ZNF251: variants seen among roughly 807,000 people sequenced by gnomAD.
ZNF251 encodes the protein zinc finger protein 251.
Under a neutral mutation model 13.5 loss-of-function variants are expected in ZNF251, and 14 were observed. The observed-to-expected ratio is 1.04, with a 90% confidence interval of 0.69 to 1.63. The LOEUF (loss-of-function observed/expected upper bound fraction) is 1.63. Among genes scored for constraint, ZNF251 ranks in the 40% most tolerant of loss-of-function variants. ZNF251 has a pLI of 0.00. For missense variants in ZNF251, 764 were observed against 834.9 expected (o/e 0.92, Z 1.05); for synonymous variants, 287 against 295.2 (o/e 0.97, Z 0.28).
At chr8:144,744,283 C>T (rs956114832) in intron 4 of ZNF251, among the ~76,000 whole-genome samples, 1 of 152,010 alleles carries the variant, frequency 6.6e-6, no homozygotes, top group African/African-American at 2.4e-5. Flanking sequence ...AAGTTGATGC[C>T]GTCTTTTACA....
At chr8:144,733,278 C>G (rs893303269) in intron 4 of ZNF251, among the ~76,000 whole-genome samples, 1 of 152,182 alleles carries the variant, frequency 6.6e-6, no homozygotes, top group African/African-American at 2.4e-5. Context: ...TGGTGGCTCA[C>G]GCCTGTAATC....
rs745738779 is a variant in ZNF251, at chr8:144,722,282, G to A, written c.1378C>T (p.Pro460Ser). ...QHRRVHTGEKPYQCVECGKAF... is the reference protein window; with the variant it reads ...QHRRVHTGEKSYQCVECGKAF... Reference sequence around the variant, plus strand: ...TTCCCACATTCAACGCACTGGTAGGGCTTCTCCCCAGTGTGAACTCTTCGA... The same window carrying A: ...TTCCCACATTCAACGCACTGGTAGGACTTCTCCCCAGTGTGAACTCTTCGA... The change falls in exon 5 of 5, where the codon CCC becomes TCC. Residue 460 changes from proline (P) to serine (S), a missense_variant. By Grantham distance (74) the Pro-to-Ser change is moderately conservative (BLOSUM62 -1). Coordinates refer to ENST00000292562, the MANE Select transcript of ZNF251 (RefSeq NM_138367.2). The surrounding 1 kb of genome is among the most constrained non-coding windows in gnomAD (Gnocchi z 4.8). The A allele has an allele frequency of 3.7e-6, 6 of 1,613,922 alleles. No individual in the cohort carries two copies. The South Asian group carries it at 5.5e-5, about 15-fold the overall frequency.
chr8:144,738,841 G>C, intron 4 of ZNF251: 1 of 985,164 alleles, frequency 1.0e-6, no homozygotes, highest in Non-Finnish European at 1.2e-6. Context: ...TGGTTTTCTT[G>C]TTCAAGGCAA....
In ZNF251 at chr8:144,723,161, C is replaced by A. The variant is rs764201873; in HGVS notation, c.499G>T (p.Glu167Ter). 1 of 1,612,696 alleles carries A rather than the reference C, an allele frequency of 6.2e-7. No homozygotes were observed. The highest frequency in any genetic ancestry group is 8.5e-7 in the Non-Finnish European group (1 of 1,179,242). ...GATCTTTCCCTGCCCACGGTAGCTT[C>A]TGTTAAAACTCTCTTGTGAATATTG... ...KPNIHKRVLT[E>*]ATVGRERSLG... Residue 167 changes from glutamate to a stop codon, truncating the protein, a stop_gained, in exon 5 of 5, where the codon GAA becomes TAA. Transcript: ENST00000292562. LOFTEE classifies it low-confidence loss of function (END_TRUNC).
chr8:144,753,091 G>A (rs1383895036), intron 4 of ZNF251, among the ~76,000 whole-genome samples: 2 of 151,668 alleles, frequency 1.3e-5, no homozygotes, highest in Non-Finnish European at 2.9e-5. Flanking sequence ...TGGGCAACGT[G>A]GTGAAACCTT....
At position 144,721,930 on chromosome 8, in the gene ZNF251, G is replaced by A. The variant is rs1823382216; in HGVS notation, c.1730C>T (p.Pro577Leu). The change falls in exon 5 of 5, where the codon CCC (proline) becomes CTC (leucine). Residue 577 changes from proline to leucine, a missense_variant. Pro to Leu is a moderately conservative substitution (Grantham distance 98, BLOSUM62 -3). Transcript: ENST00000292562. The stretch of plus-strand genomic sequence containing the variant: ...CTGATCTTCAGTGGGTCGTGAGGTG[G>A]GACTGAAAGCTTTTCCATATTCATT... ...GCNEYGKAFS[P>L]TSRPTEDQIM... 1.3e-6 allele frequency: 2 copies of A among 1,514,726 alleles called. No individual in the cohort carries two copies. The highest frequency in any genetic ancestry group is 2.2e-5 in the Admixed American group (1 of 44,958). 93.8% of individuals were successfully genotyped at this position (1,514,726 alleles called of 1,614,324 possible). A position where few individuals can be genotyped will look rare whatever the true frequency, so the allele number is the denominator to read the frequency against.
At position 144,755,512 on chromosome 8, in the gene ZNF251, G is replaced by C. The variant is rs944440883; in HGVS notation, c.-183C>G. The C allele has an allele frequency of 7.8e-6, 10 of 1,286,318 alleles. No homozygotes were observed. Among genetic ancestry groups the C allele is most frequent in the Non-Finnish European group, 1.0e-5 (10 of 988,400 alleles). 79.7% of individuals were successfully genotyped at this position (1,286,318 alleles called of 1,614,324 possible). ...AGAACCGGGTCCAGAGCCGGGGAGG[G>C]GGCGGGCTAGGATGAAGAGGGCGGG... is the stretch of plus-strand genomic sequence containing the variant. On this transcript the variant is annotated 5_prime_UTR_variant, in exon 1 of 5. Coordinates refer to ENST00000292562, the MANE Select transcript of ZNF251 (RefSeq NM_138367.2).
chr8:144,730,881 T>C (rs916691225), intron 4 of ZNF251, among the ~76,000 whole-genome samples: 1 of 152,240 alleles, frequency 6.6e-6, no homozygotes, highest in Non-Finnish European at 1.5e-5. Context: ...CTTTCCCCAG[T>C]TGGCTGACAA....
At chr8:144,740,278 T>G (rs1180092754) in intron 4 of ZNF251, among the ~76,000 whole-genome samples, 1 of 147,564 alleles carries the variant, frequency 6.8e-6, no homozygotes, top group South Asian at 2.2e-4. Context: ...AGAGTGAAAC[T>G]CCGTCTCAAA....
chr8:144,751,603 A>T (rs976380677), intron 4 of ZNF251, among the ~76,000 whole-genome samples: 7 of 152,236 alleles, frequency 4.6e-5, no homozygotes, highest in Non-Finnish European at 8.8e-5. Flanking sequence ...AAATGGAGTT[A>T]TAAAAAGTAT....
intron 4 of ZNF251, among the ~76,000 whole-genome samples, chr8:144,750,846 G>GTTTTTTTTTT (rs58473905): frequency 2.1e-5 from 3 of 141,314 alleles, no homozygotes; most frequent in African/African-American, 7.9e-5. Context: ...TCTCTCCAGA[G>GTTTTTTTTTT]TTTTTTTTTT....
At position 144,732,782 on chromosome 8, in the gene ZNF251, A is replaced by C. The variant is rs986712564; in HGVS notation, c.278-9400T>G. 2.0e-5 allele frequency among the ~76,000 whole-genome samples: 3 copies of C among 148,228 alleles called. No individual in the cohort carries two copies. In the Admixed American group the frequency reaches 2.1e-4, roughly 10 times the overall value. On this transcript the variant is annotated intron_variant, in intron 4 of 4. Transcript: ENST00000292562. ...AGCCAAGATCGCACCACTGCACTCC[A>C]GCCTGGGCGACAGAGCGAGACTCCG...
In ZNF251 at chr8:144,722,042, C is replaced by T; in HGVS notation, c.1618G>A (p.Gly540Arg). The part of the protein sequence containing the change: ...SLTADGQIPT[G>R]EKHGRAFNHG... The stretch of plus-strand genomic sequence containing the variant: ...TTAAAGGCTCTGCCGTGCTTCTCTC[C>T]AGTGGGAATCTGTCCATCTGCTGTG... Residue 540 changes from glycine (G) to arginine (R), a missense_variant, in exon 5 of 5, where the codon GGA becomes AGA. Coordinates refer to ENST00000292562, the MANE Select transcript of ZNF251 (RefSeq NM_138367.2). The surrounding 1 kb of genome is among the most constrained non-coding windows in gnomAD (Gnocchi z 4.8). The T allele has an allele frequency of 6.2e-7, 1 of 1,612,688 alleles. No individual in the cohort carries two copies. The highest frequency in any genetic ancestry group is 8.5e-7 in the Non-Finnish European group (1 of 1,179,252).
intron 4 of ZNF251, among the ~76,000 whole-genome samples, chr8:144,740,097 C>T (rs1195202171): frequency 6.6e-6 from 1 of 151,246 alleles, no homozygotes; most frequent in Non-Finnish European, 1.5e-5. Context: ...ACCAGCCTGA[C>T]CAACATGGAG....
chr8:144,744,421 T>A (rs1824319674), intron 4 of ZNF251, among the ~76,000 whole-genome samples: 1 of 152,202 alleles, frequency 6.6e-6, no homozygotes. Flanking sequence ...TATATTATCA[T>A]CTAGAAGTTT....
intron 4 of ZNF251, among the ~76,000 whole-genome samples, chr8:144,725,387 A>C (rs2129930368): frequency 6.6e-6 from 1 of 151,442 alleles, no homozygotes; most frequent in African/African-American, 2.4e-5. Context: ...AACTCTTGGG[A>C]TCAAGTGCTC....
chr8:144,724,882 TTAAC>T (rs747247800), intron 4 of ZNF251, among the ~76,000 whole-genome samples: 4 of 152,260 alleles, frequency 2.6e-5, no homozygotes, highest in Non-Finnish European at 2.9e-5. Flanking sequence ...TATTTCTTCC[TTAAC>T]TGTTTAGTAC....
At chr8:144,730,855 A>T (rs763519517) in intron 4 of ZNF251, among the ~76,000 whole-genome samples, 1 of 152,206 alleles carries the variant, frequency 6.6e-6, no homozygotes, top group African/African-American at 2.4e-5. Flanking sequence ...AGGCGAACAA[A>T]CAAAAACAGA....
At position 144,754,788 on chromosome 8, in the gene ZNF251, G is replaced by A. The variant is rs756769607; in HGVS notation, c.-60C>T. On this transcript the variant is annotated 5_prime_UTR_variant, in exon 2 of 5. Transcript: ENST00000292562. ...AGACAGGAGACTGCCCTGGCCTGAA[G>A]TCTCCCCGAACTTACCTTCAGTGGG... The A allele has an allele frequency of 2.5e-6, 4 of 1,590,578 alleles. No individual in the cohort carries two copies. The highest frequency in any genetic ancestry group is 3.4e-6 in the Non-Finnish European group (4 of 1,168,822).
Sources: allele counts gnomAD v4.1 joint callset (sites outside exome capture counted in the v4.1 genomes callset), GRCh38; gene constraint gnomAD v4.1.1; non-coding constraint Gnocchi (gnomAD v3.1); transcripts MANE v1.5; gene names NCBI Gene and HGNC (gene_info 2026-07-23, HGNC 2026-07-21).